GRM7: variants seen among roughly 807,000 people sequenced by gnomAD.
GRM7 encodes metabotropic glutamate receptor 7.
GRM7 carries 35 observed loss-of-function variants against 84.5 expected under a neutral mutation model. The ratio of observed to expected loss-of-function variants is 0.41; its 90% CI spans 0.32 to 0.55. GRM7 has a LOEUF of 0.55. Ranked by LOEUF, GRM7 falls within the 20% of genes least tolerant of loss-of-function variation. The probability of loss-of-function intolerance (pLI) is 0.19; values close to 1 mark genes in which losing one functional copy is unlikely to be tolerated. For missense variants in GRM7, 1,003 were observed against 1,194.6 expected, an observed-to-expected ratio of 0.84 and a Z score of 2.36; for synonymous variants, 487 against 455.1, an observed-to-expected ratio of 1.07 and a Z score of -0.89.
At chr3:7,650,745 T>A (rs957978591) in intron 8 of GRM7, among the ~76,000 whole-genome samples, 1 of 152,094 alleles carries the variant, frequency 6.6e-6, no homozygotes, top group East Asian at 1.9e-4. Flanking sequence ...AGAGATGGAG[T>A]CTCCCTCTGT....
At chr3:7,230,300 A>C (rs947700360) in intron 2 of GRM7, among the ~76,000 whole-genome samples, 1 of 152,218 alleles carries the variant, frequency 6.6e-6, no homozygotes, top group Non-Finnish European at 1.5e-5. Flanking sequence ...ACTCTAATAT[A>C]GTAGGCATCA....
chr3:7,076,355 T>A (rs1698076785), intron 1 of GRM7, among the ~76,000 whole-genome samples: 1 of 152,180 alleles, frequency 6.6e-6, no homozygotes. Context: ...GGAAGGGCCT[T>A]GGTGGGAGGT....
chr3:7,395,219 A>G (rs138154715), intron 4 of GRM7, among the ~76,000 whole-genome samples: 286 of 152,258 alleles, frequency 1.9e-3, no homozygotes, highest in African/African-American at 6.4e-3. Flanking sequence ...TTTGAGTTAC[A>G]TCTATGATGT....
intron 1 of GRM7, among the ~76,000 whole-genome samples, chr3:7,135,827 C>T (rs1237014142): frequency 1.3e-5 from 2 of 152,042 alleles, no homozygotes; most frequent in East Asian, 3.9e-4. Flanking sequence ...AAAATAATTT[C>T]CTTTATGTAA....
At chr3:7,265,167 C>T (rs926558430) in intron 2 of GRM7, among the ~76,000 whole-genome samples, 2 of 152,172 alleles carry the variant, frequency 1.3e-5, no homozygotes, top group Non-Finnish European at 2.9e-5. Context: ...AATGATATAG[C>T]CCAACAACCT....
intron 4 of GRM7, among the ~76,000 whole-genome samples, chr3:7,321,663 G>C (rs1307204906): frequency 1.3e-5 from 2 of 150,644 alleles, no homozygotes; most frequent in Non-Finnish European, 3.0e-5. Context: ...CAATCACTCT[G>C]ACACTGATAT....
chr3:7,412,253 G>A (rs1049096911), intron 4 of GRM7, among the ~76,000 whole-genome samples: 3 of 152,146 alleles, frequency 2.0e-5, no homozygotes, highest in Non-Finnish European at 4.4e-5. Flanking sequence ...GGCCAACAGA[G>A]ATGTTCTAAT....
At chr3:7,555,972 G>A (rs192259611) in intron 7 of GRM7, among the ~76,000 whole-genome samples, 3 of 152,242 alleles carry the variant, frequency 2.0e-5, no homozygotes, top group East Asian at 1.9e-4. Flanking sequence ...CATTTTAGGT[G>A]ATTAGCATAG....
At position 7,243,839 on chromosome 3, in the gene GRM7, C is replaced by T. The variant is rs1217660311; in HGVS notation, c.737-54845C>T. 3.3e-5 allele frequency among the ~76,000 whole-genome samples: 5 copies of T among 152,088 alleles called. No individual in the cohort carries two copies. The South Asian group carries it at 1.0e-3, about 32-fold the overall frequency. The stretch of plus-strand genomic sequence containing the variant: ...ATTCCATTGCTCCTAGGCTACAAAC[C>T]TGTATTGCATGTTATTGTGCTGAAT... On this transcript the variant is annotated intron_variant, in intron 2 of 9. Coordinates refer to ENST00000357716, the MANE Select transcript of GRM7 (RefSeq NM_000844.4).
intron 9 of GRM7, among the ~76,000 whole-genome samples, chr3:7,705,350 C>T (rs554653242): frequency 7.2e-5 from 11 of 152,252 alleles, no homozygotes; most frequent in Middle Eastern, 6.8e-3. Context: ...ACCCCACAAT[C>T]ATTATCTAAA....
intron 1 of GRM7, among the ~76,000 whole-genome samples, chr3:7,025,337 A>G (rs902570255): frequency 2.6e-5 from 4 of 152,222 alleles, no homozygotes; most frequent in African/African-American, 9.6e-5. Flanking sequence ...GGGATGAAGC[A>G]TTATTCTGTC....
chr3:6,868,027 T>C (rs2124936243), intron 1 of GRM7, among the ~76,000 whole-genome samples: 1 of 152,334 alleles, frequency 6.6e-6, no homozygotes, highest in South Asian at 2.1e-4. Flanking sequence ...CTTTCTAATC[T>C]TTTTTCAATA....
chr3:7,224,289 G>A (rs547203652), intron 2 of GRM7, among the ~76,000 whole-genome samples: 5 of 152,174 alleles, frequency 3.3e-5, no homozygotes, highest in African/African-American at 1.2e-4. Flanking sequence ...GAGGAGGCGA[G>A]GTGCTATACA....
intron 1 of GRM7, among the ~76,000 whole-genome samples, chr3:6,902,922 T>A (rs1696444073): frequency 6.6e-6 from 1 of 151,562 alleles, no homozygotes. Flanking sequence ...TTAGAACTTT[T>A]TATATGTTTT....
intron 4 of GRM7, among the ~76,000 whole-genome samples, chr3:7,359,220 T>TTGTGTGTGTGTGTGTG (rs34535570): frequency 0.018 from 2,373 of 133,200 alleles, 152 homozygotes; most frequent in African/African-American, 0.036. Context: ...GTGTTTGTGT[T>TTGTGTGTGTGTGTGTG]TGTGTGTGTG....
intron 5 of GRM7, among the ~76,000 whole-genome samples, chr3:7,444,076 A>T (rs1378331107): frequency 6.6e-6 from 1 of 152,198 alleles, no homozygotes; most frequent in Non-Finnish European, 1.5e-5. Flanking sequence ...TCATGCTTTT[A>T]GCAACGATTG....
intron 2 of GRM7, among the ~76,000 whole-genome samples, chr3:7,193,273 T>C (rs1251649711): frequency 6.6e-6 from 1 of 152,064 alleles, no homozygotes; most frequent in Non-Finnish European, 1.5e-5. Context: ...AGGAAATAGA[T>C]TGTTGATCTC....
chr3:7,682,369 A>AAAGAGAAGAATTTATAT (rs1229886180), intron 9 of GRM7: 3 of 152,120 alleles, frequency 2.0e-5, no homozygotes, highest in African/African-American at 7.3e-5. Context: ...AAAAGAAAAA[A>AAAGAGAAGAATTTATAT]AAGAGAAGAA....
chr3:7,518,346 T>C (rs1700468385), intron 7 of GRM7, among the ~76,000 whole-genome samples: 1 of 152,336 alleles, frequency 6.6e-6, no homozygotes, highest in East Asian at 1.9e-4. Context: ...AAGGTTCTTA[T>C]GTAAAGTGCA....
Sources: gnomAD v4.1 joint callset for allele counts (sites outside exome capture counted in the v4.1 genomes callset) on GRCh38, gnomAD v4.1.1 for gene constraint, MANE v1.5 for transcripts, NCBI Gene and HGNC (gene_info 2026-07-23, HGNC 2026-07-21) for gene names.